Variants in CTNND2 observed in about 807,000 individuals in gnomAD.
CTNND2 encodes the protein catenin delta-2.
A neutral mutation model predicts 144.4 loss-of-function variants in CTNND2; 22 were observed. That is an observed-to-expected ratio of 0.15 (90% CI 0.11 to 0.22). CTNND2 has a LOEUF of 0.22. Among genes scored for constraint, CTNND2 ranks in the 10% least tolerant of loss-of-function variants. The probability of loss-of-function intolerance (pLI) is 1.00; values close to 1 mark genes in which losing one functional copy is unlikely to be tolerated. For missense variants in CTNND2, 1,353 were observed against 1,618.8 expected (o/e 0.84, Z 2.82); for synonymous variants, 751 against 695.6 (o/e 1.08, Z -1.25).
chr5:11,886,350 A>G (rs1326742478), intron 1 of CTNND2, among the ~76,000 whole-genome samples: 1 of 152,198 alleles, frequency 6.6e-6, no homozygotes, highest in African/African-American at 2.4e-5. Context: ...ACCAGAAATG[A>G]AAAAGGAGAC....
chr5:11,885,703 A>G (rs1416439783), intron 1 of CTNND2, among the ~76,000 whole-genome samples: 2 of 152,220 alleles, frequency 1.3e-5, no homozygotes, highest in Non-Finnish European at 2.9e-5. Context: ...TGAACATTTC[A>G]TCCAACAGCT....
chr5:11,793,622 A>G (rs1404490307), intron 1 of CTNND2, among the ~76,000 whole-genome samples: 1 of 152,226 alleles, frequency 6.6e-6, no homozygotes, highest in African/African-American at 2.4e-5. Context: ...AGGAACTACC[A>G]GAAGCTGGAG....
chr5:11,900,535 C>T (rs572045273), intron 1 of CTNND2, among the ~76,000 whole-genome samples: 20 of 152,276 alleles, frequency 1.3e-4, no homozygotes, highest in African/African-American at 4.8e-4. Context: ...TTATTGATGA[C>T]ATGTTTAATA....
chr5:11,753,375 T>C (rs1448782551), intron 1 of CTNND2, among the ~76,000 whole-genome samples: 1 of 151,898 alleles, frequency 6.6e-6, no homozygotes, highest in African/African-American at 2.4e-5. Context: ...TGAAGGTTCA[T>C]AACATGAAGG....
intron 11 of CTNND2, among the ~76,000 whole-genome samples, chr5:11,194,678 T>G (rs1416931428): frequency 1.3e-5 from 2 of 151,682 alleles, no homozygotes; most frequent in African/African-American, 4.9e-5. Context: ...GCCTGCAAAA[T>G]CAGTGAAAAA....
At chr5:11,108,334 G>C (rs1752624350) in intron 14 of CTNND2, among the ~76,000 whole-genome samples, 1 of 152,104 alleles carries the variant, frequency 6.6e-6, no homozygotes, top group Admixed American at 6.5e-5. Context: ...GAAAAATAAG[G>C]GGGCATTGAA....
chr5:11,345,631 C>G (rs1309339098), intron 9 of CTNND2, among the ~76,000 whole-genome samples: 2 of 152,036 alleles, frequency 1.3e-5, no homozygotes, highest in Non-Finnish European at 2.9e-5. Context: ...CAACAGTATT[C>G]ACAGATGCAG....
At chr5:11,670,412 G>T (rs1478887168) in intron 2 of CTNND2, among the ~76,000 whole-genome samples, 4 of 152,142 alleles carry the variant, frequency 2.6e-5, no homozygotes, top group African/African-American at 9.7e-5. Flanking sequence ...CTAAGGACTT[G>T]CTTTATTAAT....
chr5:11,710,218 C>T (rs1785946515), intron 2 of CTNND2, among the ~76,000 whole-genome samples: 1 of 152,216 alleles, frequency 6.6e-6, no homozygotes, highest in Admixed American at 6.5e-5. Flanking sequence ...CCCTTTGTCT[C>T]CATCTCCTAA....
chr5:11,163,646 C>T (rs1258839034), intron 11 of CTNND2, among the ~76,000 whole-genome samples: 4 of 152,144 alleles, frequency 2.6e-5, no homozygotes, highest in African/African-American at 7.2e-5. Context: ...TTTTCCCTCT[C>T]GCCTTCCCAG....
chr5:11,062,996 C>G (rs1366364662), intron 16 of CTNND2, among the ~76,000 whole-genome samples: 1 of 152,148 alleles, frequency 6.6e-6, no homozygotes, highest in Non-Finnish European at 1.5e-5. Flanking sequence ...GGGGCAGTTT[C>G]CAGTTCTTTA....
chr5:11,271,255 G>A (rs1580761046), intron 9 of CTNND2, among the ~76,000 whole-genome samples: 1 of 152,008 alleles, frequency 6.6e-6, no homozygotes, highest in African/African-American at 2.4e-5. Context: ...ACCCACTAAT[G>A]GATCACAACC....
rs189377940 is a variant in CTNND2, at chr5:11,038,467, G to A, written c.2789-15488C>T. Among the ~76,000 whole-genome samples the A allele has an allele frequency of 2.4e-3, 371 of 152,254 alleles. 1 individual carries two copies. Among genetic ancestry groups the A allele is most frequent in the Non-Finnish European group, 3.6e-3 (248 of 68,018 alleles). On this transcript the variant is annotated intron_variant, in intron 16 of 21. Coordinates refer to ENST00000304623, the MANE Select transcript of CTNND2 (RefSeq NM_001332.4). ...TCATCCTGAAACCATCTTCCCCACC[G>A]ACCTCAGTCCATGGAAAAATGGTCT...
At chr5:11,854,100 G>A (rs539302482) in intron 1 of CTNND2, among the ~76,000 whole-genome samples, 1 of 152,268 alleles carries the variant, frequency 6.6e-6, no homozygotes, top group East Asian at 1.9e-4. Context: ...CAGCCACACC[G>A]TCCTCCTTGT....
chr5:11,465,600 G>T (rs996299225), intron 3 of CTNND2, among the ~76,000 whole-genome samples: 44 of 152,166 alleles, frequency 2.9e-4, no homozygotes, highest in African/African-American at 9.4e-4. Context: ...GTTCCTGATG[G>T]GTAATTATTT....
chr5:11,030,977 T>C (rs1580090115), intron 16 of CTNND2, among the ~76,000 whole-genome samples: 4 of 152,310 alleles, frequency 2.6e-5, no homozygotes, highest in Admixed American at 2.6e-4. Context: ...GTGTTGAGAA[T>C]TAGCCTTAAG....
At chr5:11,835,445 T>C (rs1794125962) in intron 1 of CTNND2, among the ~76,000 whole-genome samples, 1 of 152,228 alleles carries the variant, frequency 6.6e-6, no homozygotes, top group Non-Finnish European at 1.5e-5. Flanking sequence ...TAGGCCTTTC[T>C]TTCTTTTTTT....
At chr5:11,716,483 T>G (rs940851230) in intron 2 of CTNND2, among the ~76,000 whole-genome samples, 1 of 152,172 alleles carries the variant, frequency 6.6e-6, no homozygotes, top group Non-Finnish European at 1.5e-5. Flanking sequence ...GAGGTATTAT[T>G]GCAATTGAAA....
intron 2 of CTNND2, among the ~76,000 whole-genome samples, chr5:11,698,953 T>C (rs573001120): frequency 6.6e-6 from 1 of 150,676 alleles, no homozygotes; most frequent in Non-Finnish European, 1.5e-5. Context: ...CTTTTCTTAA[T>C]GCATATTATT....
Sources: gnomAD v4.1 joint callset for allele counts (sites outside exome capture counted in the v4.1 genomes callset) on GRCh38, gnomAD v4.1.1 for gene constraint, MANE v1.5 for transcripts, NCBI Gene and HGNC (gene_info 2026-07-23, HGNC 2026-07-21) for gene names.